Variants in RIMKLB observed in about 807,000 individuals in gnomAD.
The protein encoded by RIMKLB is ribosomal modification protein rimK like family member B, also known as beta-citrylglutamate synthase B.
In RIMKLB, 7 loss-of-function variants were observed where a neutral mutation model predicts 32.0. The observed-to-expected ratio is 0.22, with a 90% CI of 0.12 to 0.41. RIMKLB has a LOEUF of 0.41. RIMKLB is among the 10% of genes least tolerant of loss of function. The pLI, the probability that RIMKLB is intolerant of heterozygous loss-of-function variation, is 1.00. For synonymous variants in RIMKLB, 172 were observed against 185.1 expected, an observed-to-expected ratio of 0.93 and a Z score of 0.57; for missense variants, 289 against 498.7, an observed-to-expected ratio of 0.58 and a Z score of 4.00.
Position 8,777,055 on chromosome 12 carries a change from A to G in RIMKLB, c.*3271A>G. The G allele has an allele frequency of 1.0e-6, 1 of 985,794 alleles. No homozygotes were observed. Among genetic ancestry groups the G allele is most frequent in the Non-Finnish European group, 1.2e-6 (1 of 829,954 alleles). 61.1% of individuals were successfully genotyped at this position (985,794 alleles called of 1,614,324 possible). A position where few individuals can be genotyped will look rare whatever the true frequency, so the allele number is the denominator to read the frequency against. On this transcript the variant is annotated 3_prime_UTR_variant, in exon 6 of 6. Coordinates refer to ENST00000535829, the MANE Select transcript of RIMKLB (RefSeq NM_001297776.2). ...GCTGGTGAGACACGATCCCCTCCTAAGAAAATGTAGGTGCTCAGACAGGTA... is the reference window on the plus strand; with the variant it reads ...GCTGGTGAGACACGATCCCCTCCTAGGAAAATGTAGGTGCTCAGACAGGTA...
At chr12:8,689,877 C>T (rs1248133893) in intron 1 of RIMKLB, among the ~76,000 whole-genome samples, 2 of 152,070 alleles carry the variant, frequency 1.3e-5, no homozygotes, top group African/African-American at 2.4e-5. Context: ...TGTAAATCCC[C>T]CCTCTTCTGC....
upstream of RIMKLB, among the ~76,000 whole-genome samples, chr12:8,694,194 C>G (rs899272881): frequency 6.6e-6 from 1 of 151,976 alleles, no homozygotes; most frequent in East Asian, 1.9e-4. Context: ...GATCTCACCA[C>G]TGCACTCCAG....
chr12:8,719,715 C>T (rs1427309894), intron 2 of RIMKLB, among the ~76,000 whole-genome samples: 1 of 152,118 alleles, frequency 6.6e-6, no homozygotes, highest in Non-Finnish European at 1.5e-5. Context: ...TGAGGATCTA[C>T]TTAGTAATGT....
intron 5 of RIMKLB, among the ~76,000 whole-genome samples, chr12:8,766,028 C>T (rs764765338): frequency 6.6e-6 from 1 of 152,070 alleles, no homozygotes; most frequent in East Asian, 1.9e-4. Context: ...TCATTTCTTT[C>T]TTAGCGTTTG....
In RIMKLB at chr12:8,773,913, G is replaced by C; in HGVS notation, c.*129G>C. 7.0e-7 allele frequency: 1 copy of C among 1,438,538 alleles called. No individual in the cohort carries two copies. The highest frequency in any genetic ancestry group is 1.5e-5 in the South Asian group (1 of 66,604). The allele number at this position is 1,438,538 out of a possible 1,614,324, so 89.1% of individuals were successfully genotyped here. ...TGAGAGAAAATTAGTAGGATTAGTT[G>C]GAGAGAGTGGGAGATAGATGAGACC... On this transcript the variant is annotated 3_prime_UTR_variant, in exon 6 of 6. Coordinates refer to ENST00000535829, the MANE Select transcript of RIMKLB (RefSeq NM_001297776.2).
intron 2 of RIMKLB, among the ~76,000 whole-genome samples, chr12:8,737,708 TTC>T (rs1303706089): frequency 6.6e-6 from 1 of 152,088 alleles, no homozygotes. Context: ...AGGAAGGATT[TTC>T]TCTCTCTCTC....
chr12:8,750,994 T>TA (rs1248091023), intron 3 of RIMKLB, among the ~76,000 whole-genome samples: 1 of 151,912 alleles, frequency 6.6e-6, no homozygotes, highest in Non-Finnish European at 1.5e-5. Context: ...GTTAATATTT[T>TA]AAAAAAAAGG....
chr12:8,768,874 T>C (rs1173484210), intron 5 of RIMKLB, among the ~76,000 whole-genome samples: 1 of 152,220 alleles, frequency 6.6e-6, no homozygotes, highest in Non-Finnish European at 1.5e-5. Context: ...CTGCTTTGTA[T>C]GTGATTCTCT....
At chr12:8,671,695 G>A in the RIMKLB span, among the ~76,000 whole-genome samples, 3 of 152,048 alleles carry the variant, frequency 2.0e-5, no homozygotes, top group Non-Finnish European at 4.4e-5. Context: ...GGTGGATCAC[G>A]AGGTCAGGAG....
chr12:8,731,798 A>G (rs758189573), intron 2 of RIMKLB, among the ~76,000 whole-genome samples: 2 of 152,000 alleles, frequency 1.3e-5, no homozygotes, highest in Non-Finnish European at 1.5e-5. Context: ...TAGCTTTTAC[A>G]ATATCTCAAG....
chr12:8,681,404 C>T (rs1380061492), upstream of RIMKLB, among the ~76,000 whole-genome samples: 2 of 152,174 alleles, frequency 1.3e-5, no homozygotes, highest in African/African-American at 2.4e-5. Context: ...TCACAGAGAT[C>T]TTAAAATCCT....
chr12:8,670,308 C>A, the RIMKLB span, among the ~76,000 whole-genome samples: 3 of 152,168 alleles, frequency 2.0e-5, no homozygotes, highest in African/African-American at 7.2e-5. Flanking sequence ...CAAGTCCCTT[C>A]CACCTATGAG....
chr12:8,758,014 T>C (rs1247365861), intron 5 of RIMKLB, among the ~76,000 whole-genome samples: 1 of 151,946 alleles, frequency 6.6e-6, no homozygotes, highest in African/African-American at 2.4e-5. Context: ...CAGGCAGGTC[T>C]CGAACTCCTG....
intron 4 of RIMKLB, among the ~76,000 whole-genome samples, chr12:8,753,106 G>GT (rs1163608725): frequency 1.3e-5 from 2 of 152,158 alleles, no homozygotes; most frequent in Non-Finnish European, 2.9e-5. Context: ...CATATTTTGT[G>GT]TTTCGGCAGG....
intron 2 of RIMKLB, among the ~76,000 whole-genome samples, chr12:8,736,316 T>G (rs1400336119): frequency 6.6e-6 from 1 of 152,238 alleles, no homozygotes; most frequent in Admixed American, 6.5e-5. Context: ...TGTCTTTCTT[T>G]TAAGAACTTT....
intron 1 of RIMKLB, among the ~76,000 whole-genome samples, chr12:8,709,095 C>T (rs1295822310): frequency 6.6e-6 from 1 of 152,154 alleles, no homozygotes; most frequent in Admixed American, 6.5e-5. Context: ...GTTTATGTTT[C>T]GCTACTGGAG....
At chr12:8,698,644 C>T (rs1323842452) in intron 1 of RIMKLB, among the ~76,000 whole-genome samples, 2 of 152,088 alleles carry the variant, frequency 1.3e-5, no homozygotes, top group Non-Finnish European at 1.5e-5. Context: ...ACCCCGGGAA[C>T]GCCGGCTGGA....
chr12:8,715,729 C>T (rs955361792), intron 2 of RIMKLB, among the ~76,000 whole-genome samples: 8 of 151,890 alleles, frequency 5.3e-5, no homozygotes, highest in Admixed American at 1.3e-4. Context: ...GTATGGTATA[C>T]GAAATAAAAT....
At chr12:8,750,181 T>C (rs1233768925) in intron 3 of RIMKLB, 89 bp downstream of exon 3, 2 of 740,840 alleles carry the variant, frequency 2.7e-6, no homozygotes, top group Non-Finnish European at 4.6e-6. Flanking sequence ...GAACACCTTA[T>C]AGAAGTGTCT....
Sources: allele counts gnomAD v4.1 joint callset (sites outside exome capture counted in the v4.1 genomes callset), GRCh38; gene constraint gnomAD v4.1.1; transcripts MANE v1.5; gene names NCBI Gene and HGNC (gene_info 2026-07-23, HGNC 2026-07-21).